Variants in TMEM221 observed in about 807,000 individuals in gnomAD.
TMEM221 encodes the protein transmembrane protein 221.
In TMEM221, 11 loss-of-function variants were observed where a neutral mutation model predicts 10.2. The observed-to-expected ratio is 1.08, with a 90% confidence interval of 0.68 to 1.79. The LOEUF is 1.79. TMEM221 is among the 40% of genes most tolerant of loss of function. The pLI, the probability that TMEM221 is intolerant of heterozygous loss-of-function variation, is 0.00. For missense variants in TMEM221, 382 were observed against 417.7 expected (o/e 0.91, Z 0.75); for synonymous variants, 172 against 199.8 (o/e 0.86, Z 1.18).
At chr19:17,441,908 A>G (rs2074933595) in intron 2 of TMEM221, among the ~76,000 whole-genome samples, 2 of 151,000 alleles carry the variant, frequency 1.3e-5, no homozygotes, top group Admixed American at 6.6e-5. Context: ...CGATGAATGG[A>G]TGATTGGTTG....
rs757927506 is a variant in TMEM221 at position 17,436,862 on chromosome 19, C to T, written c.472G>A (p.Gly158Ser). ...GCCACCAGAACCAGGGTGCCCGAGC[C>T]GAGGATGGAAGCAGCTGCTGCGCCT... ...ETGAAAASIL[G>S]SGTLVLVAVL... The change falls in exon 3 of 3, where the codon GGC (glycine) becomes AGC (serine). Residue 158 changes from glycine (G) to serine (S), a missense_variant. Gly to Ser is a moderately conservative substitution (Grantham distance 56). Coordinates refer to ENST00000341130, the MANE Select transcript of TMEM221 (RefSeq NM_001190844.2). The T allele has an allele frequency of 1.4e-5, 20 of 1,451,102 alleles. No homozygotes were observed. Among genetic ancestry groups the T allele is most frequent in the East Asian group, 5.0e-5 (2 of 39,950 alleles). The allele number at this position is 1,451,102 out of a possible 1,614,324, so 89.9% of individuals were successfully genotyped here. A position where few individuals can be genotyped will look rare whatever the true frequency, so the allele number is the denominator to read the frequency against.
chr19:17,442,442 C>CTTTTT (rs35930067), intron 2 of TMEM221, among the ~76,000 whole-genome samples: 1 of 137,550 alleles, frequency 7.3e-6, no homozygotes, highest in Non-Finnish European at 1.6e-5. Flanking sequence ...TCTTTTCTTT[C>CTTTTT]TTTTTTTTTT....
At position 17,448,540 on chromosome 19, in the gene TMEM221, C is replaced by A; in HGVS notation, c.-78G>T. 8.6e-7 allele frequency: 1 copy of A among 1,165,180 alleles called. No individual in the cohort carries two copies. Among genetic ancestry groups the A allele is most frequent in the South Asian group, 1.9e-5 (1 of 52,062 alleles). The allele number at this position is 1,165,180 out of a possible 1,614,324, so 72.2% of individuals were successfully genotyped here. On this transcript the variant is annotated 5_prime_UTR_variant, in exon 1 of 3. Coordinates refer to ENST00000341130, the MANE Select transcript of TMEM221 (RefSeq NM_001190844.2). This position sits in a 1 kb window ranked among gnomAD's most constrained non-coding sequence, Gnocchi z 4.7. ...GAGGGCAGGGGAGTTGGGGGGAATC[C>A]GAGGGTCCTCAGGGGGTCCCCGAGG...
intron 2 of TMEM221, among the ~76,000 whole-genome samples, chr19:17,443,370 G>C (rs1322078912): frequency 6.6e-6 from 1 of 151,776 alleles, no homozygotes. Context: ...CTGTCACCCA[G>C]GCTGGAGTGC....
chr19:17,444,707 T>C (rs976842163), intron 2 of TMEM221: 1 of 136,422 alleles, frequency 7.3e-6, no homozygotes, highest in African/African-American at 2.6e-5. Flanking sequence ...TATAGATATA[T>C]AATATATAAA....
rs750214008 is a variant in TMEM221 at position 17,443,412 on chromosome 19, A to G, written c.406+1787T>C. Among the ~76,000 whole-genome samples, 196 of 151,796 alleles carry G rather than the reference A, an allele frequency of 1.3e-3. 2 individuals carry two copies. Among genetic ancestry groups the G allele is most frequent in the Middle Eastern group, 3.4e-3 (1 of 290 alleles). On this transcript the variant is annotated intron_variant, in intron 2 of 2. Coordinates refer to ENST00000341130, the MANE Select transcript of TMEM221 (RefSeq NM_001190844.2). ...ACGATCTTGGCTCTCTGAAACCTCC[A>G]CCTCTCAGGTTCAAGTGATTCTCCC...
rs1367467365 is a variant in TMEM221, at chr19:17,445,225, C to T, written c.380G>A (p.Cys127Tyr). The T allele has an allele frequency of 3.3e-6, 5 of 1,535,744 alleles. No individual in the cohort carries two copies. The Admixed American group carries it at 5.9e-5, about 18-fold the overall frequency. ...LLRHVALGLF[C>Y]CGISVYLAAL... is the part of the protein sequence containing the mutation. ...TGCTAAATAGACGGAGATCCCACAGCAGAAAAGGCCAAGGGCCACATGTCT... is the reference window on the plus strand; with the variant it reads ...TGCTAAATAGACGGAGATCCCACAGTAGAAAAGGCCAAGGGCCACATGTCT... Residue 127 changes from cysteine to tyrosine, a missense_variant, in exon 2 of 3, where the codon TGC (cysteine) becomes TAC (tyrosine). Cys to Tyr is a radical substitution (Grantham distance 194, BLOSUM62 -2). Transcript: ENST00000341130.
At position 17,448,382 on chromosome 19, in the gene TMEM221, GC is replaced by G; in HGVS notation, c.80del (p.Gly27AlafsTer108). On this transcript the variant is annotated frameshift_variant, in exon 1 of 3. Transcript: ENST00000341130. LOFTEE classifies it high-confidence loss of function. This position sits in a 1 kb window ranked among gnomAD's most constrained non-coding sequence, Gnocchi z 4.7. Reference sequence around the variant, plus strand: ...CCTGCAGCTGAAACAGCAGCTGCGCGCCCAGCGCCGCCAGCACGGCCGCCGC... The same window carrying G: ...CCTGCAGCTGAAACAGCAGCTGCGCGCCAGCGCCGCCAGCACGGCCGCCGC... ...GIAAAVLAAL[G>X]AQLLFQLQAG... 6.9e-7 allele frequency: 1 copy of G among 1,441,126 alleles called. No homozygotes were observed. The highest frequency in any genetic ancestry group is 9.1e-7 in the Non-Finnish European group (1 of 1,101,248). The allele number at this position is 1,441,126 out of a possible 1,614,324, so 89.3% of individuals were successfully genotyped here.
At position 17,444,379 on chromosome 19, in the gene TMEM221, G is replaced by C. The variant is rs961949427; in HGVS notation, c.406+820C>G. Among the ~76,000 whole-genome samples the C allele has an allele frequency of 2.0e-5, 3 of 151,682 alleles. No individual in the cohort carries two copies. The Admixed American group carries it at 2.0e-4, about 10-fold the overall frequency. On this transcript the variant is annotated intron_variant, in intron 2 of 2. Transcript: ENST00000341130. ...ATTACAGGCGTGAGCCACTGCGCCT[G>C]GCCAAAATGCTATCTTTAGACACCA...
intron 2 of TMEM221, 101 bp from the exon 3 acceptor site, chr19:17,437,028 C>T: frequency 1.2e-6 from 1 of 850,966 alleles, no homozygotes; most frequent in South Asian, 2.9e-5. Flanking sequence ...AAAAGCCCTG[C>T]CACATGACAG....
At chr19:17,445,142 T>C (rs904826982) in intron 2 of TMEM221, 57 bp downstream of exon 2, 14 of 1,450,460 alleles carry the variant, frequency 9.7e-6, no homozygotes, top group South Asian at 7.3e-5. Flanking sequence ...TAGGGGACCA[T>C]TGCTGCTCTC....
chr19:17,438,262 AT>A (rs1173344402), intron 2 of TMEM221, among the ~76,000 whole-genome samples: 1 of 151,714 alleles, frequency 6.6e-6, no homozygotes, highest in Non-Finnish European at 1.5e-5. Flanking sequence ...TAATTTTTGT[AT>A]TTTTAGTAGA....
At chr19:17,443,268 G>A (rs1196585699) in intron 2 of TMEM221, among the ~76,000 whole-genome samples, 2 of 151,938 alleles carry the variant, frequency 1.3e-5, no homozygotes, top group Non-Finnish European at 2.9e-5. Context: ...GCGACAGAGC[G>A]AGACTCCGCA....
In TMEM221 at chr19:17,448,270, C is replaced by G. The variant is rs894675686; in HGVS notation, c.193G>C (p.Gly65Arg). Residue 65 changes from glycine to arginine, a missense_variant, in exon 1 of 3, where the codon GGG (glycine) becomes CGG (arginine). Gly to Arg is a moderately radical substitution (Grantham distance 125). Coordinates refer to ENST00000341130, the MANE Select transcript of TMEM221 (RefSeq NM_001190844.2). The surrounding 1 kb of genome is among the most constrained non-coding windows in gnomAD (Gnocchi z 4.7). ...AGPGLPEDAA[G>R]TLLPLAAALA... ...GCGGCGGCCAGCGGCAGCAGCGTCC[C>G]GGCCGCGTCCTCTGGCAGCCCGGGG... 5.7e-6 allele frequency: 7 copies of G among 1,236,114 alleles called. No individual in the cohort carries two copies. The highest frequency in any genetic ancestry group is 8.8e-5 in the Admixed American group (2 of 22,856). 76.6% of individuals were successfully genotyped at this position (1,236,114 alleles called of 1,614,324 possible).
intron 2 of TMEM221, among the ~76,000 whole-genome samples, chr19:17,442,492 T>G (rs989912155): frequency 2.7e-5 from 4 of 150,046 alleles, no homozygotes; most frequent in African/African-American, 9.8e-5. Flanking sequence ...CAGGCTGGAG[T>G]GCAGTGGCAT....
At chr19:17,445,087 C>T in intron 2 of TMEM221, 112 bp downstream of exon 2, 1 of 942,530 alleles carries the variant, frequency 1.1e-6, no homozygotes, top group African/African-American at 1.6e-5. Context: ...AGTGTCAGAG[C>T]CTGGAGTTGA....
At position 17,448,226 on chromosome 19, in the gene TMEM221, G is replaced by A. The variant is rs1039678434; in HGVS notation, c.237C>T (p.Leu79=). 11 of 1,362,160 alleles carry A rather than the reference G, an allele frequency of 8.1e-6. No individual in the cohort carries two copies. The East Asian group carries it at 9.3e-5, about 11-fold the overall frequency. The allele number at this position is 1,362,160 out of a possible 1,614,324, so 84.4% of individuals were successfully genotyped here. Residue 79 remains leucine, a synonymous_variant, in exon 1 of 3, where the codon CTC becomes CTT. Transcript: ENST00000341130. This position sits in a 1 kb window ranked among gnomAD's most constrained non-coding sequence, Gnocchi z 4.7. ...PLAAALAALV[L]VLGFTCLLLA... The stretch of plus-strand genomic sequence containing the variant: ...GCAGCAAGCAGGTGAACCCCAGCAC[G>A]AGCACCAGCGCGGCCAGCGCGGCGG...
At chr19:17,446,442 AG>A (rs2144506043) in intron 1 of TMEM221, among the ~76,000 whole-genome samples, 1 of 152,278 alleles carries the variant, frequency 6.6e-6, no homozygotes, top group South Asian at 2.1e-4. Context: ...CGCGACCCCA[AG>A]AGGTGAGACT....
chr19:17,443,599 G>A (rs907999110), intron 2 of TMEM221, among the ~76,000 whole-genome samples: 11 of 152,038 alleles, frequency 7.2e-5, no homozygotes, highest in South Asian at 4.2e-4. Context: ...GCCTCCCAAA[G>A]TGCTGGGATT....
Sources: gnomAD v4.1 joint callset for allele counts (sites outside exome capture counted in the v4.1 genomes callset) on GRCh38, gnomAD v4.1.1 for gene constraint, Gnocchi (gnomAD v3.1) non-coding constraint, MANE v1.5 for transcripts, NCBI Gene and HGNC (gene_info 2026-07-23, HGNC 2026-07-21) for gene names.